The following RPE65 variants were observed in gnomAD, a reference collection of about 807,000 sequenced individuals.
RPE65 encodes the protein retinoid isomerohydrolase.
In RPE65, 58 loss-of-function variants were observed where a neutral mutation model predicts 68.5. That is an observed-to-expected ratio of 0.85 (90% CI 0.69 to 1.05). The LOEUF (loss-of-function observed/expected upper bound fraction) is 1.05, where lower values mean the gene tolerates loss of function less well. RPE65 is among the 50% of genes least tolerant of loss of function. RPE65 has a pLI of 0.00. For missense variants in RPE65, 643 were observed against 629.9 expected, an observed-to-expected ratio of 1.02 and a Z score of -0.22; for synonymous variants, 220 against 222.2, an observed-to-expected ratio of 0.99 and a Z score of 0.09.
At chr1:68,439,388 TA>T in intron 7 of RPE65, 65 bp from the exon 8 acceptor site, 1 of 1,605,756 alleles carries the variant, frequency 6.2e-7, no homozygotes, top group East Asian at 2.2e-5. Flanking sequence ...GACAAATTTG[TA>T]TATATGTGGT....
chr1:68,442,692 C>A (rs922737379), intron 5 of RPE65, among the ~76,000 whole-genome samples: 1 of 152,160 alleles, frequency 6.6e-6, no homozygotes, highest in African/African-American at 2.4e-5. Flanking sequence ...TGCAGCCATA[C>A]CATAGCTTCT....
At position 68,429,941 on chromosome 1, in the gene RPE65, G is replaced by C. The variant is rs1334771851; in HGVS notation, c.1451-14C>G. 1.2e-6 allele frequency: 2 copies of C among 1,613,448 alleles called. No individual in the cohort carries two copies. Among genetic ancestry groups the C allele is most frequent in the South Asian group, 2.2e-5 (2 of 91,070 alleles). The stretch of plus-strand genomic sequence containing the variant: ...TCAGAACTACACCTGTTTATCAGAA[G>C]TAAATTAGGCAATATTGAGTTTTTA... On this transcript the variant is annotated splice_polypyrimidine_tract_variant and intron_variant, in intron 13 of 13. Coordinates refer to ENST00000262340, the MANE Select transcript of RPE65 (RefSeq NM_000329.3).
intron 1 of RPE65, among the ~76,000 whole-genome samples, chr1:68,449,466 C>G (rs1645966974): frequency 6.6e-6 from 1 of 152,128 alleles, no homozygotes; most frequent in Non-Finnish European, 1.5e-5. Flanking sequence ...ATTACTATGT[C>G]CTACATACCA....
At chr1:68,437,549 T>C (rs1645870209) in intron 10 of RPE65, among the ~76,000 whole-genome samples, 1 of 152,236 alleles carries the variant, frequency 6.6e-6, no homozygotes, top group South Asian at 2.1e-4. Flanking sequence ...CAAATAGATA[T>C]AAAAGAAAGC....
At chr1:68,443,107 G>A (rs1335751218) in intron 5 of RPE65, among the ~76,000 whole-genome samples, 1 of 149,850 alleles carries the variant, frequency 6.7e-6, no homozygotes, top group Non-Finnish European at 1.5e-5. Context: ...ACTTCTTTGA[G>A]CAAAAACTTT....
In RPE65 at chr1:68,431,328, T is replaced by G. The variant is rs62636300; in HGVS notation, c.1292A>C (p.Tyr431Ser). The G allele has an allele frequency of 6.2e-7, 1 of 1,613,942 alleles. No homozygotes were observed. Among genetic ancestry groups the G allele is most frequent in the Admixed American group, 1.7e-5 (1 of 59,966 alleles). Reference protein sequence around the residue: ...INYQKYCGKPYTYAYGLGLNH... With the variant: ...INYQKYCGKPSTYAYGLGLNH... ...CAAGCCAAGTCCATACGCATATGTG[T>G]AAGGTTTCCCACAATACTTCTGGTA... Residue 431 changes from tyrosine (Y) to serine (S), a missense_variant, in exon 12 of 14, where the codon TAC becomes TCC. Transcript: ENST00000262340.
chr1:68,448,407 C>T (rs1387900384), intron 2 of RPE65, among the ~76,000 whole-genome samples: 1 of 152,128 alleles, frequency 6.6e-6, no homozygotes, highest in Non-Finnish European at 1.5e-5. Flanking sequence ...AATCCTGATC[C>T]TTAGGGAATT....
chr1:68,438,848 G>T, intron 9 of RPE65, 94 bp downstream of exon 9: 1 of 1,473,548 alleles, frequency 6.8e-7, no homozygotes, highest in South Asian at 1.1e-5. Flanking sequence ...TGCTGTTTTA[G>T]ATGTGATTCA....
chr1:68,449,319 T>C (rs960241613), intron 1 of RPE65, among the ~76,000 whole-genome samples: 61 of 152,212 alleles, frequency 4.0e-4, no homozygotes, highest in South Asian at 1.0e-3. Flanking sequence ...CAGTACTTTT[T>C]CATCATAGTC....
chr1:68,433,238 A>C (rs920548667), intron 10 of RPE65, among the ~76,000 whole-genome samples: 2 of 152,174 alleles, frequency 1.3e-5, no homozygotes, highest in African/African-American at 4.8e-5. Flanking sequence ...AGATAGGGGA[A>C]CCAAGGCCCT....
chr1:68,436,930 T>C (rs145829030), intron 10 of RPE65, among the ~76,000 whole-genome samples: 1 of 152,306 alleles, frequency 6.6e-6, no homozygotes, highest in African/African-American at 2.4e-5. Context: ...TAAATATTTC[T>C]CAGCTTTGCA....
In RPE65 at chr1:68,446,795, A is replaced by C. The variant is rs930635180; in HGVS notation, c.160T>G (p.Ser54Ala). 1 of 1,614,024 alleles carries C rather than the reference A, an allele frequency of 6.2e-7. No homozygotes were observed. The highest frequency in any genetic ancestry group is 1.3e-5 in the African/African-American group (1 of 74,924). The change falls in exon 3 of 14, where the codon TCT (serine) becomes GCT (alanine). Residue 54 changes from serine to alanine, a missense_variant. Ser to Ala is a moderately conservative substitution (Grantham distance 99). Transcript: ENST00000262340. ...TCAAACAGGTGGTAAAATGGCTCAG[A>C]TCCAACTTCAAAGAGTCCTGGCCCA... is the stretch of plus-strand genomic sequence containing the variant. ...RCGPGLFEVG[S>A]EPFYHLFDGQ...
In RPE65 at chr1:68,448,666, T is replaced by C. The variant is rs765691555; in HGVS notation, c.52A>G (p.Thr18Ala). Reference sequence around the variant, plus strand: ...AGCGGCGAGGACAGTTCCTCCACAGTTTCAAACAGTTTCTTGTAACCACCA... The same window carrying C: ...AGCGGCGAGGACAGTTCCTCCACAGCTTCAAACAGTTTCTTGTAACCACCA... Reference protein sequence around the residue: ...PAGGYKKLFETVEELSSPLTA... With the variant: ...PAGGYKKLFEAVEELSSPLTA... Residue 18 changes from threonine to alanine, a missense_variant, in exon 2 of 14, where the codon ACT becomes GCT. Coordinates refer to ENST00000262340, the MANE Select transcript of RPE65 (RefSeq NM_000329.3). 6.2e-7 allele frequency: 1 copy of C among 1,613,672 alleles called. No homozygotes were observed. The highest frequency in any genetic ancestry group is 8.5e-7 in the Non-Finnish European group (1 of 1,179,886).
intron 3 of RPE65, among the ~76,000 whole-genome samples, chr1:68,445,391 C>T (rs1557603239): frequency 6.6e-6 from 1 of 152,042 alleles, no homozygotes; most frequent in African/African-American, 2.4e-5. Flanking sequence ...ATTAAGTATT[C>T]TTGAATTCCA....
intron 5 of RPE65, among the ~76,000 whole-genome samples, chr1:68,442,741 T>C (rs1188817984): frequency 6.6e-6 from 1 of 152,220 alleles, no homozygotes; most frequent in Non-Finnish European, 1.5e-5. Context: ...GTAATACAGA[T>C]TCCCTATCAA....
At chr1:68,432,240 G>T (rs1270836400) in intron 10 of RPE65, among the ~76,000 whole-genome samples, 2 of 151,936 alleles carry the variant, frequency 1.3e-5, no homozygotes, top group Non-Finnish European at 2.9e-5. Context: ...TGGCATTCAG[G>T]ATGTTTTGGA....
At chr1:68,436,455 T>C (rs1014801651) in intron 10 of RPE65, among the ~76,000 whole-genome samples, 1 of 149,288 alleles carries the variant, frequency 6.7e-6, no homozygotes, top group Non-Finnish European at 1.5e-5. Flanking sequence ...TATTTATTTA[T>C]TTATTTATTT....
intron 10 of RPE65, 81 bp downstream of exon 10, chr1:68,438,106 A>T: frequency 6.4e-7 from 1 of 1,558,600 alleles, no homozygotes; most frequent in Non-Finnish European, 8.8e-7. Flanking sequence ...GACTTTATGT[A>T]TAAACATGAG....
chr1:68,434,033 T>A (rs1407719289), intron 10 of RPE65, among the ~76,000 whole-genome samples: 1 of 150,214 alleles, frequency 6.7e-6, no homozygotes, highest in Non-Finnish European at 1.5e-5. Context: ...GGGTCATGCA[T>A]GAAACAGATT....
Sources: gnomAD v4.1 joint callset for allele counts (sites outside exome capture counted in the v4.1 genomes callset) on GRCh38, gnomAD v4.1.1 for gene constraint, MANE v1.5 for transcripts, NCBI Gene and HGNC (gene_info 2026-07-23, HGNC 2026-07-21) for gene names.